The following AGTPBP1 variants were observed in gnomAD, a reference collection of about 807,000 sequenced individuals.
AGTPBP1 encodes the protein cytosolic carboxypeptidase 1.
AGTPBP1 carries 70 observed loss-of-function variants against 143.9 expected under a neutral mutation model. The observed-to-expected ratio is 0.49, with a 90% CI of 0.40 to 0.59. AGTPBP1 has a LOEUF of 0.59. Ranked by LOEUF, AGTPBP1 falls within the 20% of genes least tolerant of loss-of-function variation. The pLI is 0.00. For synonymous variants in AGTPBP1, 463 were observed against 500.2 expected (o/e 0.93, Z 0.99); for missense variants, 1,229 against 1,464.5 (o/e 0.84, Z 2.62).
intron 1 of AGTPBP1, among the ~76,000 whole-genome samples, chr9:85,723,270 C>T (rs1405644267): frequency 6.6e-6 from 1 of 152,226 alleles, no homozygotes; most frequent in Non-Finnish European, 1.5e-5. Context: ...TTCTGGTAGG[C>T]ACTGCCCAGA....
intron 19 of AGTPBP1, among the ~76,000 whole-genome samples, chr9:85,589,888 G>A (rs901292955): frequency 6.6e-6 from 1 of 152,058 alleles, no homozygotes; most frequent in Non-Finnish European, 1.5e-5. Context: ...TAATTATGCA[G>A]CACCACCAAT....
rs533551733 is a variant in AGTPBP1 at position 85,707,620 on chromosome 9, T to C, written c.32+4882A>G. 2.0e-5 allele frequency among the ~76,000 whole-genome samples: 3 copies of C among 152,258 alleles called. No homozygotes were observed. In the East Asian group the frequency reaches 5.8e-4, roughly 29 times the overall value. ...CTTTATGCCTATAAATTGGACAACA[T>C]AGAAGAAATGAACAAATGCCTTGAA... On this transcript the variant is annotated intron_variant, in intron 2 of 25. Transcript: ENST00000357081.
At chr9:85,659,095 A>G (rs886816940) in intron 9 of AGTPBP1, among the ~76,000 whole-genome samples, 3 of 152,180 alleles carry the variant, frequency 2.0e-5, no homozygotes, top group Admixed American at 6.5e-5. Context: ...AAATATTAAA[A>G]TTCTTCACAA....
intron 17 of AGTPBP1, among the ~76,000 whole-genome samples, chr9:85,613,376 GCT>G (rs1241867003): frequency 2.0e-5 from 3 of 151,770 alleles, no homozygotes; most frequent in Non-Finnish European, 4.4e-5. Context: ...GAATAAACCA[GCT>G]TTTTAAAATT....
the AGTPBP1 span, chr9:85,755,977 A>G: frequency 6.6e-6 from 6 of 913,096 alleles, no homozygotes; most frequent in Admixed American, 3.2e-5. Context: ...TTAAATGTTC[A>G]TTTAAGAGAT....
intron 25 of AGTPBP1, among the ~76,000 whole-genome samples, chr9:85,567,112 G>C (rs138304101): frequency 6.6e-6 from 1 of 152,120 alleles, no homozygotes; most frequent in African/African-American, 2.4e-5. Flanking sequence ...AAGAGGTTAC[G>C]GGGAGAGGCT....
Position 85,547,305 on chromosome 9 carries a change from G to A in AGTPBP1, c.3504-19C>T, listed in dbSNP as rs1825789176. 6.3e-7 allele frequency: 1 copy of A among 1,591,946 alleles called. No individual in the cohort carries two copies. The highest frequency in any genetic ancestry group is 8.5e-7 in the Non-Finnish European group (1 of 1,170,130). On this transcript the variant is annotated intron_variant, in intron 25 of 25. Transcript: ENST00000357081. The stretch of plus-strand genomic sequence containing the variant: ...GGTAGGGCTGCAGCCAAAACACACA[G>A]AACATACAAGACTTTGTGAGGTCTT...
At chr9:85,553,958 C>T (rs1290491145) in intron 25 of AGTPBP1, 1 of 152,150 alleles carries the variant, frequency 6.6e-6, no homozygotes, top group Non-Finnish European at 1.5e-5. Flanking sequence ...CTCAGTAGAA[C>T]ATTAGAACCT....
At chr9:85,558,910 C>T (rs1440537994) in intron 25 of AGTPBP1, among the ~76,000 whole-genome samples, 1 of 152,212 alleles carries the variant, frequency 6.6e-6, no homozygotes, top group Non-Finnish European at 1.5e-5. Context: ...TGAGCCACTG[C>T]ACCTGGCCAT....
intron 1 of AGTPBP1, among the ~76,000 whole-genome samples, chr9:85,737,064 CCACTG>C (rs1823849499): frequency 6.6e-6 from 1 of 152,170 alleles, no homozygotes; most frequent in Admixed American, 6.5e-5. Context: ...AGAGATTGCA[CCACTG>C]CACTCCAGCC....
Position 85,633,370 on chromosome 9 carries a change from T to C in AGTPBP1, c.1307A>G (p.Tyr436Cys), listed in dbSNP as rs188655586. ...CTTTGGTTCTTTGGAGATTAAATCA[T>C]AGTCCTTTGAAAATAAAAACATGTT... The part of the protein sequence containing the change: ...FPELVDDFQD[Y>C]DLISKEPKPF... The change falls in exon 14 of 26, where the codon TAT becomes TGT. Residue 436 changes from tyrosine (Y) to cysteine (C), a missense_variant. Around this residue, in one of 2 missense-constraint regions of AGTPBP1, gnomAD observed 743 missense variants for 812.2 expected, o/e 0.91. Coordinates refer to ENST00000357081, the MANE Select transcript of AGTPBP1 (RefSeq NM_001330701.2). 4.8e-5 allele frequency: 75 copies of C among 1,547,460 alleles called. No homozygotes were observed. The highest frequency in any genetic ancestry group is 9.0e-5 in the East Asian group (4 of 44,304).
intron 1 of AGTPBP1, among the ~76,000 whole-genome samples, chr9:85,736,454 G>A (rs562003120): frequency 2.6e-5 from 4 of 152,164 alleles, no homozygotes; most frequent in East Asian, 3.9e-4. Context: ...CTGGCTATTC[G>A]AAAGTATATA....
intron 19 of AGTPBP1, among the ~76,000 whole-genome samples, chr9:85,592,293 T>C (rs1395971903): frequency 1.3e-5 from 2 of 152,014 alleles, no homozygotes; most frequent in African/African-American, 4.8e-5. Context: ...AAGAGCTACA[T>C]TCCCATTTTA....
the AGTPBP1 span, among the ~76,000 whole-genome samples, chr9:85,749,900 G>C: frequency 8.2e-6 from 1 of 122,278 alleles, no homozygotes; most frequent in African/African-American, 3.1e-5. Flanking sequence ...TTTTTTTTTT[G>C]AGACGGAGTC....
the AGTPBP1 span, among the ~76,000 whole-genome samples, chr9:85,787,452 C>T: frequency 0.054 from 8,198 of 152,144 alleles, 713 homozygotes; most frequent in African/African-American, 0.18. Flanking sequence ...TGATAGGCTT[C>T]AAGTCTGATA....
At chr9:85,616,875 T>C (rs1375905147) in intron 17 of AGTPBP1, among the ~76,000 whole-genome samples, 1 of 152,012 alleles carries the variant, frequency 6.6e-6, no homozygotes, top group Non-Finnish European at 1.5e-5. Flanking sequence ...AATATTCCTA[T>C]CACTATTCAC....
At chr9:85,550,708 C>T (rs1029665766) in intron 25 of AGTPBP1, among the ~76,000 whole-genome samples, 6 of 152,252 alleles carry the variant, frequency 3.9e-5, no homozygotes, top group African/African-American at 1.2e-4. Context: ...GAAAACTCAC[C>T]GTTCTCCCCA....
At chr9:85,676,953 T>C (rs1324580115) in intron 6 of AGTPBP1, among the ~76,000 whole-genome samples, 1 of 152,122 alleles carries the variant, frequency 6.6e-6, no homozygotes, top group African/African-American at 2.4e-5. Flanking sequence ...TAAATATCAA[T>C]GTTCTCTTTC....
the AGTPBP1 span, among the ~76,000 whole-genome samples, chr9:85,788,972 T>G: frequency 6.6e-6 from 1 of 151,972 alleles, no homozygotes; most frequent in Non-Finnish European, 1.5e-5. Context: ...ATTCTGATAC[T>G]GGAATCCTAC....
Sources: gnomAD v4.1 joint callset for allele counts (sites outside exome capture counted in the v4.1 genomes callset) on GRCh38, gnomAD v4.1.1 for gene constraint, gnomAD v4.1.1 regional missense constraint, MANE v1.5 for transcripts, NCBI Gene and HGNC (gene_info 2026-07-23, HGNC 2026-07-21) for gene names.